MNAT1: variants seen among roughly 807,000 people sequenced by gnomAD.
The protein encoded by MNAT1 is CDK-activating kinase assembly factor MAT1.
A neutral mutation model predicts 42.0 loss-of-function variants in MNAT1; 43 were observed. The observed-to-expected ratio is 1.02, with a 90% CI of 0.80 to 1.32. The LOEUF is 1.32. MNAT1 is among the 40% of genes most tolerant of loss of function. The pLI is 0.00. For synonymous variants in MNAT1, 118 were observed against 120.0 expected (o/e 0.98, Z 0.11); for missense variants, 306 against 350.4 (o/e 0.87, Z 1.01).
intron 6 of MNAT1, among the ~76,000 whole-genome samples, chr14:60,832,676 T>A (rs2033260759): frequency 6.6e-6 from 1 of 152,138 alleles, no homozygotes; most frequent in South Asian, 2.1e-4. Flanking sequence ...TTTTTTTGGT[T>A]CCATATGAAA....
chr14:60,947,460 ATCT>A (rs1436861118), intron 7 of MNAT1, among the ~76,000 whole-genome samples: 1 of 152,090 alleles, frequency 6.6e-6, no homozygotes, highest in African/African-American at 2.4e-5. Flanking sequence ...AGGCGGGTGG[ATCT>A]TCTGAGGTCA....
chr14:60,928,819 T>C (rs1427670004), intron 7 of MNAT1, among the ~76,000 whole-genome samples: 1 of 152,056 alleles, frequency 6.6e-6, no homozygotes, highest in Non-Finnish European at 1.5e-5. Flanking sequence ...TATAATTCTT[T>C]ATATATTCTG....
At chr14:60,921,775 T>C (rs1371281508) in intron 7 of MNAT1, among the ~76,000 whole-genome samples, 1 of 152,232 alleles carries the variant, frequency 6.6e-6, no homozygotes, top group Non-Finnish European at 1.5e-5. Context: ...TAACTGGTTT[T>C]AAATGTAAAA....
chr14:60,750,757 G>C (rs2030052703), intron 1 of MNAT1, among the ~76,000 whole-genome samples: 1 of 152,068 alleles, frequency 6.6e-6, no homozygotes, highest in Non-Finnish European at 1.5e-5. Context: ...CATTTTGGTT[G>C]GTTGGGTACA....
At chr14:60,746,666 G>A (rs1024452997) in intron 1 of MNAT1, among the ~76,000 whole-genome samples, 69 of 150,550 alleles carry the variant, frequency 4.6e-4, no homozygotes, top group African/African-American at 1.5e-3. Flanking sequence ...ACTTCATTAC[G>A]GATTGCTTAT....
At chr14:60,866,065 G>A (rs2034195842) in intron 6 of MNAT1, among the ~76,000 whole-genome samples, 1 of 151,974 alleles carries the variant, frequency 6.6e-6, no homozygotes, top group Non-Finnish European at 1.5e-5. Flanking sequence ...CATTTAATTT[G>A]CTTGAATTCA....
At chr14:60,873,550 C>A (rs986265652) in intron 6 of MNAT1, among the ~76,000 whole-genome samples, 5 of 152,048 alleles carry the variant, frequency 3.3e-5, no homozygotes, top group African/African-American at 1.2e-4. Context: ...CTCACTGCAG[C>A]CTTGATCTCC....
intron 7 of MNAT1, among the ~76,000 whole-genome samples, chr14:60,939,795 T>C (rs1235323793): frequency 2.0e-5 from 3 of 152,168 alleles, no homozygotes; most frequent in Non-Finnish European, 4.4e-5. Flanking sequence ...CTTGTTAACT[T>C]TCTGTCTCGT....
chr14:60,883,706 A>G (rs1177846177), intron 7 of MNAT1, among the ~76,000 whole-genome samples: 1 of 152,162 alleles, frequency 6.6e-6, no homozygotes, highest in Admixed American at 6.5e-5. Context: ...CTTCCAATCC[A>G]TGAACATGGA....
chr14:60,847,421 G>GA (rs1407556866), intron 6 of MNAT1, among the ~76,000 whole-genome samples: 1 of 147,974 alleles, frequency 6.8e-6, no homozygotes, highest in Non-Finnish European at 1.5e-5. Context: ...AAAAAAAAAA[G>GA]ACTTGTTTTA....
At chr14:60,930,384 T>C (rs1451991493) in intron 7 of MNAT1, among the ~76,000 whole-genome samples, 1 of 152,074 alleles carries the variant, frequency 6.6e-6, no homozygotes. Flanking sequence ...ACAGATGTTC[T>C]GAAATGACTT....
intron 7 of MNAT1, among the ~76,000 whole-genome samples, chr14:60,881,717 A>T (rs2034555586): frequency 1.3e-5 from 2 of 152,132 alleles, no homozygotes; most frequent in African/African-American, 4.8e-5. Flanking sequence ...CAAGCATGTA[A>T]TGTGTAATAA....
chr14:60,889,008 A>G (rs1251708419), intron 7 of MNAT1, among the ~76,000 whole-genome samples: 1 of 140,574 alleles, frequency 7.1e-6, no homozygotes, highest in Non-Finnish European at 1.6e-5. Context: ...AATATTGTGA[A>G]AATGGCCATA....
chr14:60,805,978 A>G (rs2032356474), intron 3 of MNAT1, among the ~76,000 whole-genome samples: 2 of 152,212 alleles, frequency 1.3e-5, no homozygotes, highest in South Asian at 4.1e-4. Context: ...TGGCTATACC[A>G]TTTCACATTC....
At chr14:60,877,956 G>C (rs1023487530) in intron 6 of MNAT1, among the ~76,000 whole-genome samples, 7 of 151,902 alleles carry the variant, frequency 4.6e-5, no homozygotes, top group African/African-American at 7.2e-5. Flanking sequence ...TACACATTTG[G>C]TAAGTTAGTT....
intron 1 of MNAT1, among the ~76,000 whole-genome samples, chr14:60,792,624 A>T (rs1207768159): frequency 2.0e-5 from 3 of 152,196 alleles, no homozygotes; most frequent in Non-Finnish European, 2.9e-5. Flanking sequence ...TTGACAAACT[A>T]TGAATATTTC....
intron 1 of MNAT1, among the ~76,000 whole-genome samples, chr14:60,791,796 T>A (rs2031828342): frequency 6.6e-6 from 1 of 152,154 alleles, no homozygotes; most frequent in South Asian, 2.1e-4. Flanking sequence ...ATATCTGGGC[T>A]TTAAGAAAAT....
At chr14:60,882,238 ACCT>A (rs2034567099) in intron 7 of MNAT1, among the ~76,000 whole-genome samples, 1 of 151,586 alleles carries the variant, frequency 6.6e-6, no homozygotes, top group South Asian at 2.1e-4. Flanking sequence ...ATCCTCTCCC[ACCT>A]CCTCACTACC....
At chr14:60,904,247 CA>C (rs1179561793) in intron 7 of MNAT1, among the ~76,000 whole-genome samples, 1 of 151,944 alleles carries the variant, frequency 6.6e-6, no homozygotes, top group East Asian at 1.9e-4. Flanking sequence ...ACAAAAATCA[CA>C]AAAAAACTGC....
Sources: allele counts gnomAD v4.1 joint callset (sites outside exome capture counted in the v4.1 genomes callset), GRCh38; gene constraint gnomAD v4.1.1; transcripts MANE v1.5; gene names NCBI Gene and HGNC (gene_info 2026-07-23, HGNC 2026-07-21).